The following ANO3 variants were observed in gnomAD, a reference collection of about 807,000 sequenced individuals.
ANO3 encodes the protein anoctamin 3.
ANO3 carries 99 observed loss-of-function variants against 144.8 expected under a neutral mutation model. The observed-to-expected ratio is 0.68, with a 90% CI of 0.58 to 0.81. The LOEUF (loss-of-function observed/expected upper bound fraction) is 0.81. ANO3 is among the 30% of genes least tolerant of loss of function. ANO3 has a pLI of 0.00. For missense variants in ANO3, 905 were observed against 1,202.2 expected (o/e 0.75, Z 3.66); for synonymous variants, 414 against 392.6 (o/e 1.05, Z -0.64).
intron 1 of ANO3, among the ~76,000 whole-genome samples, chr11:26,401,828 A>G (rs1197077983): frequency 6.6e-6 from 1 of 151,938 alleles, no homozygotes; most frequent in Non-Finnish European, 1.5e-5. Context: ...ATTGAGCCAA[A>G]ATTGTGCCAT....
intron 1 of ANO3, chr11:26,287,550 C>T (rs780939004): frequency 1.2e-4 from 19 of 152,102 alleles, no homozygotes; most frequent in Non-Finnish European, 2.1e-4. Flanking sequence ...CACCAGTATC[C>T]TGTTAATGTT....
intron 1 of ANO3, among the ~76,000 whole-genome samples, chr11:26,283,310 A>G (rs1224558565): frequency 2.6e-5 from 2 of 76,866 alleles, no homozygotes; most frequent in African/African-American, 5.0e-5. Context: ...ACCAAAATAA[A>G]CAAATAAATA....
At chr11:26,432,346 C>A (rs1858136482) in intron 1 of ANO3, among the ~76,000 whole-genome samples, 1 of 152,128 alleles carries the variant, frequency 6.6e-6, no homozygotes, top group African/African-American at 2.4e-5. Context: ...ATATATTCTT[C>A]CCCTATGTAG....
intron 1 of ANO3, among the ~76,000 whole-genome samples, chr11:26,239,622 C>T (rs1423204842): frequency 6.6e-6 from 1 of 152,208 alleles, no homozygotes; most frequent in African/African-American, 2.4e-5. Context: ...ACCCATAGCA[C>T]TGAAGGGAAA....
chr11:26,390,595 C>T (rs1856849259), intron 1 of ANO3, among the ~76,000 whole-genome samples: 1 of 152,038 alleles, frequency 6.6e-6, no homozygotes, highest in Non-Finnish European at 1.5e-5. Flanking sequence ...TGAAGCCATT[C>T]ATAATCATTA....
chr11:26,302,727 C>A (rs1854265172), intron 1 of ANO3, among the ~76,000 whole-genome samples: 1 of 152,028 alleles, frequency 6.6e-6, no homozygotes, highest in Admixed American at 6.6e-5. Context: ...AAAATCAGCA[C>A]TTTTAATATT....
At chr11:26,306,825 G>A (rs1209607435), upstream of ANO3, among the ~76,000 whole-genome samples, 1 of 152,116 alleles carries the variant, frequency 6.6e-6, no homozygotes, top group Non-Finnish European at 1.5e-5. Context: ...GAAATATTAT[G>A]AAATATGATC....
At chr11:26,564,385 T>G (rs1850431521) in intron 14 of ANO3, among the ~76,000 whole-genome samples, 1 of 151,342 alleles carries the variant, frequency 6.6e-6, no homozygotes, top group Admixed American at 6.6e-5. Flanking sequence ...AATATAATCC[T>G]TAAGTAAACC....
intron 1 of ANO3, among the ~76,000 whole-genome samples, chr11:26,241,205 G>A (rs1387202808): frequency 6.6e-6 from 1 of 152,092 alleles, no homozygotes; most frequent in East Asian, 1.9e-4. Context: ...TTGTGAAACT[G>A]CCCCAGCCAC....
At chr11:26,448,442 G>A (rs1328522167) in intron 3 of ANO3, among the ~76,000 whole-genome samples, 1 of 152,112 alleles carries the variant, frequency 6.6e-6, no homozygotes, top group Admixed American at 6.6e-5. Context: ...CCTCAGGAAT[G>A]GGTTCATATT....
chr11:26,281,583 A>G (rs922560219), intron 1 of ANO3, among the ~76,000 whole-genome samples: 1 of 152,140 alleles, frequency 6.6e-6, no homozygotes, highest in African/African-American at 2.4e-5. Context: ...CCACCCTAGG[A>G]ATTTCTATTT....
intron 14 of ANO3, among the ~76,000 whole-genome samples, chr11:26,583,991 C>A (rs1403324640): frequency 6.6e-6 from 1 of 152,180 alleles, no homozygotes; most frequent in Non-Finnish European, 1.5e-5. Flanking sequence ...TGACCCCTTT[C>A]CCTGACCCCT....
rs187015473 is a variant in ANO3, at chr11:26,660,711, T to C, written c.*267T>C. ...TCAGAACCAGTCTCAGGGAGATATA[T>C]GCTTGGAGAACTCTGCCTTCCATCA... On this transcript the variant is annotated 3_prime_UTR_variant, in exon 27 of 27. Transcript: ENST00000256737. The C allele has an allele frequency of 2.6e-5, 9 of 346,286 alleles. No homozygotes were observed. The highest frequency in any genetic ancestry group is 1.6e-5 in the Non-Finnish European group (3 of 193,130). 21.5% of individuals were successfully genotyped at this position (346,286 alleles called of 1,614,324 possible). A position where few individuals can be genotyped will look rare whatever the true frequency, so the allele number is the denominator to read the frequency against.
At chr11:26,370,072 C>T (rs781611780) in intron 1 of ANO3, among the ~76,000 whole-genome samples, 2 of 152,168 alleles carry the variant, frequency 1.3e-5, no homozygotes, top group Non-Finnish European at 2.9e-5. Context: ...CCTTAAGAAT[C>T]AATTGATAGC....
chr11:26,481,554 AT>A (rs1184675928), intron 4 of ANO3, among the ~76,000 whole-genome samples: 1 of 152,234 alleles, frequency 6.6e-6, no homozygotes, highest in Non-Finnish European at 1.5e-5. Context: ...GTTGAATACT[AT>A]AAAGGTAGTT....
At chr11:26,520,401 C>T (rs117196248) in intron 6 of ANO3, among the ~76,000 whole-genome samples, 16,727 of 152,146 alleles carry the variant, frequency 0.11, 1,285 homozygotes, top group Non-Finnish European at 0.15. Flanking sequence ...GGAACATGTG[C>T]AGTTACTATC....
chr11:26,283,046 A>C (rs1853713977), intron 1 of ANO3, among the ~76,000 whole-genome samples: 1 of 151,812 alleles, frequency 6.6e-6, no homozygotes, highest in Non-Finnish European at 1.5e-5. Flanking sequence ...AAAACAAATC[A>C]TTGCTTCATC....
At chr11:26,335,503 T>A (rs920265299) in intron 1 of ANO3, among the ~76,000 whole-genome samples, 2 of 152,084 alleles carry the variant, frequency 1.3e-5, no homozygotes, top group Non-Finnish European at 2.9e-5. Context: ...TAGTCTGGAG[T>A]TAACTATCAC....
At chr11:26,555,899 ATCTAGGGACT>A (rs915088683) in intron 13 of ANO3, among the ~76,000 whole-genome samples, 81 of 152,240 alleles carry the variant, frequency 5.3e-4, no homozygotes, top group African/African-American at 1.9e-3. Context: ...TGGACACATG[ATCTAGGGACT>A]TCTCAATTCA....
Sources: allele counts gnomAD v4.1 joint callset (sites outside exome capture counted in the v4.1 genomes callset), GRCh38; gene constraint gnomAD v4.1.1; transcripts MANE v1.5; gene names NCBI Gene and HGNC (gene_info 2026-07-23, HGNC 2026-07-21).